Variants in BNC2 observed in about 807,000 individuals in gnomAD.
BNC2 encodes the protein zinc finger protein basonuclin-2.
BNC2 carries 20 observed loss-of-function variants against 76.3 expected under a neutral mutation model. That is an observed-to-expected ratio of 0.26 (90% CI 0.18 to 0.38). The LOEUF (loss-of-function observed/expected upper bound fraction) is 0.38. Among genes scored for constraint, BNC2 ranks in the 10% least tolerant of loss-of-function variants. The pLI is 1.00. For missense variants in BNC2, 1,382 were observed against 1,399.8 expected, an observed-to-expected ratio of 0.99 and a Z score of 0.20; for synonymous variants, 582 against 514.8, an observed-to-expected ratio of 1.13 and a Z score of -1.77.
intron 5 of BNC2, among the ~76,000 whole-genome samples, chr9:16,537,321 A>C (rs1167712015): frequency 6.6e-6 from 1 of 152,120 alleles, no homozygotes; most frequent in Non-Finnish European, 1.5e-5. Context: ...ATCGCACTCG[A>C]AACACTATAG....
chr9:16,787,870 G>A (rs2135613079), intron 1 of BNC2, among the ~76,000 whole-genome samples: 1 of 152,244 alleles, frequency 6.6e-6, no homozygotes, highest in African/African-American at 2.4e-5. Context: ...TATTAATCAA[G>A]CACAGAATTA....
chr9:16,591,516 G>C (rs964546072), intron 3 of BNC2, among the ~76,000 whole-genome samples: 1 of 152,130 alleles, frequency 6.6e-6, no homozygotes, highest in African/African-American at 2.4e-5. Context: ...TATAGTTTTA[G>C]TAAGGTGGGT....
chr9:16,800,144 G>C (rs1187790594), intron 1 of BNC2, among the ~76,000 whole-genome samples: 1 of 151,658 alleles, frequency 6.6e-6, no homozygotes, highest in African/African-American at 2.4e-5. Flanking sequence ...AGAATCACTT[G>C]AGCTTGGGAG....
chr9:16,597,222 T>C (rs944600989), intron 3 of BNC2, among the ~76,000 whole-genome samples: 3 of 152,200 alleles, frequency 2.0e-5, no homozygotes, highest in Non-Finnish European at 4.4e-5. Flanking sequence ...CTATTGTATG[T>C]AACTGCTTAT....
intron 5 of BNC2, among the ~76,000 whole-genome samples, chr9:16,481,142 G>T (rs1009119838): frequency 1.9e-4 from 29 of 152,120 alleles, no homozygotes; most frequent in African/African-American, 6.5e-4. Flanking sequence ...TCCATACTCT[G>T]TATCTAACTA....
intron 3 of BNC2, among the ~76,000 whole-genome samples, chr9:16,630,188 T>C (rs1443750498): frequency 6.8e-6 from 1 of 146,610 alleles, no homozygotes; most frequent in Non-Finnish European, 1.5e-5. Flanking sequence ...AGTACACTGA[T>C]AAACAGACAT....
intron 1 of BNC2, among the ~76,000 whole-genome samples, chr9:16,777,145 A>T (rs1046114398): frequency 1.1e-4 from 16 of 152,056 alleles, no homozygotes; most frequent in African/African-American, 3.6e-4. Flanking sequence ...TAATTAATTA[A>T]TAAATTAAAA....
chr9:16,870,652 G>C lies in BNC2; in HGVS notation c.-4C>G, dbSNP rs1288591353. The C allele has an allele frequency of 5.6e-6, 9 of 1,611,028 alleles. No individual in the cohort carries two copies. In the Admixed American group the frequency reaches 6.7e-5, roughly 12 times the overall value. On this transcript the variant is annotated 5_prime_UTR_variant, in exon 1 of 7. Transcript: ENST00000380672. ...GAGGGTGGAAACTTCTTACCATCTC[G>C]GCATGCTGGTTGTCAAGTGCAGCCC...
At chr9:16,675,050 C>T (rs564303256) in intron 3 of BNC2, among the ~76,000 whole-genome samples, 1 of 152,300 alleles carries the variant, frequency 6.6e-6, no homozygotes, top group African/African-American at 2.4e-5. Context: ...TTCTTAGCAT[C>T]AAGCTAGCAC....
chr9:16,720,243 C>A (rs1824112917), intron 3 of BNC2, among the ~76,000 whole-genome samples: 1 of 152,146 alleles, frequency 6.6e-6, no homozygotes, highest in Non-Finnish European at 1.5e-5. Flanking sequence ...GGTATTTATT[C>A]AATTACTGCT....
intron 3 of BNC2, among the ~76,000 whole-genome samples, chr9:16,636,018 T>C (rs1821315022): frequency 6.6e-6 from 1 of 152,110 alleles, no homozygotes; most frequent in Non-Finnish European, 1.5e-5. Flanking sequence ...CTGGAAACAA[T>C]TTAAACTTAA....
chr9:16,671,456 G>C (rs968435641), intron 3 of BNC2, among the ~76,000 whole-genome samples: 1 of 152,152 alleles, frequency 6.6e-6, no homozygotes, highest in Non-Finnish European at 1.5e-5. Context: ...CCATGGAAAA[G>C]CCAAACTCAG....
chr9:16,507,686 C>A (rs764697030), intron 5 of BNC2, among the ~76,000 whole-genome samples: 1 of 152,188 alleles, frequency 6.6e-6, no homozygotes, highest in South Asian at 2.1e-4. Context: ...CTTGGCTTCC[C>A]AAAGTGCTGG....
intron 5 of BNC2, among the ~76,000 whole-genome samples, chr9:16,504,982 G>T (rs940917178): frequency 6.6e-6 from 1 of 152,232 alleles, no homozygotes; most frequent in African/African-American, 2.4e-5. Context: ...GTAGGTAAAA[G>T]AGAAGACTAT....
chr9:16,723,335 T>C (rs1427144778), intron 3 of BNC2, among the ~76,000 whole-genome samples: 1 of 152,090 alleles, frequency 6.6e-6, no homozygotes, highest in East Asian at 1.9e-4. Context: ...ATATACATCC[T>C]ATGTAAAAAG....
At chr9:16,556,105 G>C (rs1051591361) in intron 4 of BNC2, among the ~76,000 whole-genome samples, 1 of 151,722 alleles carries the variant, frequency 6.6e-6, no homozygotes, top group Admixed American at 6.6e-5. Context: ...TTTGAGATCA[G>C]CTTAGGCAAC....
chr9:16,550,045 T>C (rs1347681989), intron 5 of BNC2, among the ~76,000 whole-genome samples: 1 of 152,030 alleles, frequency 6.6e-6, no homozygotes, highest in African/African-American at 2.4e-5. Context: ...ATGAAAATGC[T>C]CTCTATAAGC....
intron 3 of BNC2, among the ~76,000 whole-genome samples, chr9:16,632,341 T>A (rs1476322859): frequency 6.6e-6 from 1 of 152,058 alleles, no homozygotes; most frequent in African/African-American, 2.4e-5. Context: ...CCACATTCGG[T>A]AATAATTTCT....
rs761079076 is a variant in BNC2, at chr9:16,419,186, T to A, written c.3103A>T (p.Ile1035Phe). 1.9e-6 allele frequency: 3 copies of A among 1,614,166 alleles called. No homozygotes were observed. The South Asian group carries it at 3.3e-5, about 18-fold the overall frequency. Residue 1035 changes from isoleucine to phenylalanine, a missense_variant, in exon 7 of 7, where the codon ATC becomes TTC. Ile to Phe is a conservative substitution (Grantham distance 21, BLOSUM62 0). Around this residue, in one of 3 missense-constraint regions of BNC2, gnomAD observed 798 missense variants for 775.5 expected, o/e 1.03. Coordinates refer to ENST00000380672, the MANE Select transcript of BNC2 (RefSeq NM_017637.6). Reference protein sequence around the residue: ...FSSLSGSNGGIMCNICHKMYS... With the variant: ...FSSLSGSNGGFMCNICHKMYS... ...ATTTTGTGGCAAATGTTGCACATGA[T>A]CCCACCATTGCTCCCAGACAAGCTG...
Sources: allele counts gnomAD v4.1 joint callset (sites outside exome capture counted in the v4.1 genomes callset), GRCh38; gene constraint gnomAD v4.1.1; regional missense constraint gnomAD v4.1.1; transcripts MANE v1.5; gene names NCBI Gene and HGNC (gene_info 2026-07-23, HGNC 2026-07-21).